The following TSPAN9 variants were observed in gnomAD, a reference collection of about 807,000 sequenced individuals.
TSPAN9 encodes tetraspanin 9.
Under a neutral mutation model 31.0 loss-of-function variants are expected in TSPAN9, and 16 were observed. The observed-to-expected ratio is 0.52, with a 90% CI of 0.35 to 0.78. The LOEUF (loss-of-function observed/expected upper bound fraction) is 0.78. Among genes scored for constraint, TSPAN9 ranks in the 30% least tolerant of loss-of-function variants. The pLI is 0.01. For missense variants in TSPAN9, 272 were observed against 312.5 expected (o/e 0.87, Z 0.98); for synonymous variants, 145 against 121.6 (o/e 1.19, Z -1.27).
intron 3 of TSPAN9, among the ~76,000 whole-genome samples, chr12:3,236,566 C>T (rs1052137167): frequency 9.9e-5 from 15 of 152,114 alleles, no homozygotes; most frequent in Admixed American, 3.9e-4. Context: ...AAAGAACGCC[C>T]GGCATGCTGT....
intron 4 of TSPAN9, 115 bp downstream of exon 4, chr12:3,278,727 GA>G: frequency 3.6e-6 from 5 of 1,389,626 alleles, no homozygotes; most frequent in East Asian, 2.4e-5. Context: ...TGAGCCCAGG[GA>G]AACTGCTTCT....
intron 3 of TSPAN9, among the ~76,000 whole-genome samples, chr12:3,265,280 A>G (rs1018645303): frequency 1.3e-5 from 2 of 152,212 alleles, no homozygotes; most frequent in Admixed American, 6.5e-5. Context: ...TGCTCACTAC[A>G]TCAGTGAGTT....
At chr12:3,253,452 A>C (rs1862289926) in intron 3 of TSPAN9, among the ~76,000 whole-genome samples, 1 of 152,188 alleles carries the variant, frequency 6.6e-6, no homozygotes, top group Admixed American at 6.5e-5. Context: ...TGGGGGTGAC[A>C]GTGGCACCCA....
At chr12:3,105,758 GCACA>G (rs1183534674) in intron 2 of TSPAN9, among the ~76,000 whole-genome samples, 1 of 94,484 alleles carries the variant, frequency 1.1e-5, no homozygotes, top group Non-Finnish European at 2.6e-5. Context: ...TCACACACAC[GCACA>G]CACGCGCACG....
At chr12:3,247,075 T>A (rs926810450) in intron 3 of TSPAN9, among the ~76,000 whole-genome samples, 12 of 152,106 alleles carry the variant, frequency 7.9e-5, no homozygotes, top group Non-Finnish European at 1.2e-4. Flanking sequence ...CAACGTACTG[T>A]GCACACATGG....
chr12:3,089,483 G>C lies in TSPAN9; in HGVS notation c.-18+5764G>C, dbSNP rs190849834. ...GGCTAATTTTTGTATTTTTAGTAGA[G>C]ACGGGGTTTTACCGTGTTGGCCAGG... On this transcript the variant is annotated intron_variant, in intron 2 of 8. Coordinates refer to ENST00000011898, the MANE Select transcript of TSPAN9 (RefSeq NM_006675.5). 4.0e-5 allele frequency among the ~76,000 whole-genome samples: 6 copies of C among 151,680 alleles called. No individual in the cohort carries two copies. The East Asian group carries it at 1.2e-3, about 31-fold the overall frequency.
At chr12:3,276,543 A>G (rs1862792301) in intron 3 of TSPAN9, among the ~76,000 whole-genome samples, 1 of 152,064 alleles carries the variant, frequency 6.6e-6, no homozygotes. Flanking sequence ...CCAGATAGTT[A>G]TGTTGCTCCC....
At chr12:3,123,826 C>T (rs1330732215) in intron 2 of TSPAN9, among the ~76,000 whole-genome samples, 1 of 152,086 alleles carries the variant, frequency 6.6e-6, no homozygotes, top group African/African-American at 2.4e-5. Context: ...CTTCCCACTT[C>T]GTATCCTGTG....
At chr12:3,104,002 C>T (rs970100169) in intron 2 of TSPAN9, among the ~76,000 whole-genome samples, 2 of 152,050 alleles carry the variant, frequency 1.3e-5, no homozygotes, top group South Asian at 2.1e-4. Context: ...GCCGTGAAGG[C>T]GTTACTGAGG....
intron 3 of TSPAN9, among the ~76,000 whole-genome samples, chr12:3,240,715 C>CT (rs2098396150): frequency 6.6e-6 from 1 of 152,172 alleles, no homozygotes; most frequent in African/African-American, 2.4e-5. Context: ...CCTGTCTCTG[C>CT]TGCACTGTGG....
At chr12:3,126,990 G>A (rs1483260483) in intron 2 of TSPAN9, among the ~76,000 whole-genome samples, 1 of 152,152 alleles carries the variant, frequency 6.6e-6, no homozygotes, top group African/African-American at 2.4e-5. Flanking sequence ...TGCCCAGGCT[G>A]GACTCGAATT....
intron 2 of TSPAN9, among the ~76,000 whole-genome samples, chr12:3,138,823 C>G (rs911634654): frequency 4.6e-5 from 7 of 152,132 alleles, no homozygotes; most frequent in African/African-American, 1.7e-4. Flanking sequence ...CTTCCCTTTG[C>G]TTGGCTTTCT....
chr12:3,267,522 A>T (rs1383774393), intron 3 of TSPAN9, among the ~76,000 whole-genome samples: 1 of 152,226 alleles, frequency 6.6e-6, no homozygotes, highest in Non-Finnish European at 1.5e-5. Context: ...GCTGCCAGTT[A>T]CATTGCCATC....
At chr12:3,195,979 T>G (rs35172386) in intron 2 of TSPAN9, among the ~76,000 whole-genome samples, 43 of 152,248 alleles carry the variant, frequency 2.8e-4, no homozygotes, top group Non-Finnish European at 5.7e-4. Context: ...CTTCTCTAGC[T>G]GCAGTCGTGA....
At chr12:3,151,752 CT>C (rs539271147) in intron 2 of TSPAN9, among the ~76,000 whole-genome samples, 2 of 152,210 alleles carry the variant, frequency 1.3e-5, no homozygotes, top group African/African-American at 4.8e-5. Flanking sequence ...TCCCTCCAGC[CT>C]TTTTTCCTTT....
At position 3,280,567 on chromosome 12, in the gene TSPAN9, G is replaced by GTCA; in HGVS notation, c.432+84_432+85insTCA. On this transcript the variant is annotated intron_variant, in intron 6 of 8. Transcript: ENST00000011898. This position sits in a 1 kb window ranked among gnomAD's most constrained non-coding sequence, Gnocchi z 4.5. ...TCTAGCTGCCTTCCCCGGTGACCTG[G>GTCA]CCGGGCACCTGTGCTTTCTGGATTT... The GTCA allele has an allele frequency of 7.8e-7, 1 of 1,288,052 alleles. No individual in the cohort carries two copies. Among genetic ancestry groups the GTCA allele is most frequent in the Non-Finnish European group, 1.1e-6 (1 of 919,172 alleles). 79.8% of individuals were successfully genotyped at this position (1,288,052 alleles called of 1,614,324 possible). A position where few individuals can be genotyped will look rare whatever the true frequency, so the allele number is the denominator to read the frequency against.
At chr12:3,198,128 C>T (rs62646340) in intron 2 of TSPAN9, among the ~76,000 whole-genome samples, 2,269 of 30,584 alleles carry the variant, frequency 0.074, 1 homozygote, top group Non-Finnish European at 0.096. Flanking sequence ...CCAGCACAGG[C>T]CACCACCAGC....
intron 2 of TSPAN9, among the ~76,000 whole-genome samples, chr12:3,195,937 G>A (rs774055197): frequency 2.6e-5 from 4 of 152,200 alleles, no homozygotes; most frequent in African/African-American, 9.6e-5. Flanking sequence ...ATCCTGCCAC[G>A]GTCTGTGCTC....
chr12:3,245,674 A>G (rs1473741106), intron 3 of TSPAN9, among the ~76,000 whole-genome samples: 1 of 152,162 alleles, frequency 6.6e-6, no homozygotes, highest in Non-Finnish European at 1.5e-5. Context: ...TGGTGGAGGC[A>G]TTTGGCTGCA....
Sources: gnomAD v4.1 joint callset for allele counts (sites outside exome capture counted in the v4.1 genomes callset) on GRCh38, gnomAD v4.1.1 for gene constraint, Gnocchi (gnomAD v3.1) non-coding constraint, MANE v1.5 for transcripts, NCBI Gene and HGNC (gene_info 2026-07-23, HGNC 2026-07-21) for gene names.